CSDE1: variants seen among roughly 807,000 people sequenced by gnomAD.
The protein encoded by CSDE1 is cold shock domain-containing protein E1.
CSDE1 carries 17 observed loss-of-function variants against 89.3 expected under a neutral mutation model. The observed-to-expected ratio is 0.19, with a 90% CI of 0.13 to 0.29. The LOEUF is 0.29. Ranked by LOEUF, CSDE1 falls within the 10% of genes least tolerant of loss-of-function variation. The probability of loss-of-function intolerance (pLI) is 1.00; values close to 1 mark genes in which losing one functional copy is unlikely to be tolerated. For synonymous variants in CSDE1, 322 were observed against 332.8 expected (o/e 0.97, Z 0.35); for missense variants, 672 against 984.2 (o/e 0.68, Z 4.24).
intron 1 of CSDE1, among the ~76,000 whole-genome samples, chr1:114,750,657 CTAT>C (rs1661254045): frequency 6.6e-6 from 1 of 151,858 alleles, no homozygotes; most frequent in African/African-American, 2.4e-5. Flanking sequence ...ATCTAGGTAT[CTAT>C]TATGTCACAG....
At chr1:114,742,740 G>T (rs1660798657) in intron 2 of CSDE1, among the ~76,000 whole-genome samples, 1 of 152,184 alleles carries the variant, frequency 6.6e-6, no homozygotes, top group African/African-American at 2.4e-5. Flanking sequence ...CATCTAACGA[G>T]ATATGGTAAG....
Position 114,720,669 on chromosome 1 carries a change from T to C in CSDE1, c.1922A>G (p.Asn641Ser), listed in dbSNP as rs768835087. The C allele has an allele frequency of 3.7e-6, 6 of 1,614,078 alleles. No homozygotes were observed. In the Admixed American group the frequency reaches 5.0e-5, roughly 13 times the overall value. ...CCCTTTCTGCAGGCAATCCCCTTTG[T>C]TGGCCATCCCAACGATGCCAAATGG... Reference protein sequence around the residue: ...VYPFGIVGMANKGDCLQKGES... With the variant: ...VYPFGIVGMASKGDCLQKGES... Residue 641 changes from asparagine (N) to serine (S), a missense_variant, in exon 17 of 20, where the codon AAC becomes AGC. Physicochemically the swap from Asn to Ser is conservative, Grantham distance 46. Around this residue, in one of 8 missense-constraint regions of CSDE1, gnomAD observed 206 missense variants for 332.4 expected, o/e 0.62. Coordinates refer to ENST00000358528, the MANE Select transcript of CSDE1 (RefSeq NM_001007553.3).
At chr1:114,747,865 A>G (rs951206017) in intron 2 of CSDE1, among the ~76,000 whole-genome samples, 136 of 146,602 alleles carry the variant, frequency 9.3e-4, no homozygotes, top group African/African-American at 3.1e-3. Flanking sequence ...CTCAGAGAGG[A>G]AAAAAAAAAA....
chr1:114,744,161 G>A (rs1403362219), intron 2 of CSDE1, among the ~76,000 whole-genome samples: 1 of 152,208 alleles, frequency 6.6e-6, no homozygotes, highest in African/African-American at 2.4e-5. Flanking sequence ...GTGGTAGGAA[G>A]GACCCAGTAG....
chr1:114,720,756 C>T (rs1443856589), intron 16 of CSDE1, 39 bp from the exon 17 acceptor site: 2 of 1,588,406 alleles, frequency 1.3e-6, no homozygotes, highest in African/African-American at 1.3e-5. Flanking sequence ...TAGTATTTCA[C>T]AACAGTCCTC....
chr1:114,733,610 G>A, intron 9 of CSDE1, 122 bp downstream of exon 9: 1 of 685,140 alleles, frequency 1.5e-6, no homozygotes, highest in Non-Finnish European at 2.3e-6. Context: ...CGTAACAAGA[G>A]GTCCTTAGTT....
chr1:114,728,668 T>A (rs1215169310), intron 12 of CSDE1, among the ~76,000 whole-genome samples: 1 of 152,024 alleles, frequency 6.6e-6, no homozygotes, highest in Non-Finnish European at 1.5e-5. Context: ...CTGAAGTGTA[T>A]TTTTATTTTT....
intron 6 of CSDE1, among the ~76,000 whole-genome samples, chr1:114,734,905 G>C (rs533163541): frequency 5.4e-4 from 82 of 152,290 alleles, no homozygotes; most frequent in African/African-American, 1.9e-3. Context: ...GTCTTATAAA[G>C]GTTATTCATT....
At chr1:114,718,505 G>A in intron 19 of CSDE1, 108 bp downstream of exon 19, 1 of 1,417,362 alleles carries the variant, frequency 7.1e-7, no homozygotes, top group South Asian at 1.4e-5. Flanking sequence ...TAAGCAATAT[G>A]GAAGTCTCCC....
rs1044648601 is a variant in CSDE1 at position 114,716,941 on chromosome 1, T to G, written c.*1228A>C. The G allele has an allele frequency of 6.5e-6, 1 of 152,718 alleles. No homozygotes were observed. Among genetic ancestry groups the G allele is most frequent in the African/African-American group, 2.4e-5 (1 of 41,472 alleles). The allele number at this position is 152,718 out of a possible 1,614,324, so 9.5% of individuals were successfully genotyped here. A position where few individuals can be genotyped will look rare whatever the true frequency, so the allele number is the denominator to read the frequency against. The stretch of plus-strand genomic sequence containing the variant: ...TAGTGTCTCAAAAATCAGTAAAACT[T>G]TATTCGCTTCCATTCTTTCGCCATT... On this transcript the variant is annotated 3_prime_UTR_variant, in exon 20 of 20. Coordinates refer to ENST00000358528, the MANE Select transcript of CSDE1 (RefSeq NM_001007553.3).
intron 1 of CSDE1, among the ~76,000 whole-genome samples, chr1:114,756,354 C>G (rs575159508): frequency 6.6e-6 from 1 of 152,136 alleles, no homozygotes; most frequent in East Asian, 1.9e-4. Context: ...AAATATTTAT[C>G]TAAGTTTTAT....
At chr1:114,731,394 A>G (rs982267508) in intron 10 of CSDE1, among the ~76,000 whole-genome samples, 1 of 151,964 alleles carries the variant, frequency 6.6e-6, no homozygotes, top group African/African-American at 2.4e-5. Context: ...AAAATGTAAA[A>G]AAAAAAAAAA....
chr1:114,742,391 G>A (rs113521275), intron 2 of CSDE1, among the ~76,000 whole-genome samples: 3 of 152,074 alleles, frequency 2.0e-5, no homozygotes, highest in Non-Finnish European at 4.4e-5. Context: ...GGACAAGCAC[G>A]GCCAACATGG....
In CSDE1 at chr1:114,723,998, A is replaced by G. The variant is rs991097820; in HGVS notation, c.1758T>C (p.Asn586=). The G allele has an allele frequency of 6.2e-7, 1 of 1,613,168 alleles. No individual in the cohort carries two copies. Among genetic ancestry groups the G allele is most frequent in the African/African-American group, 1.3e-5 (1 of 75,004 alleles). The part of the protein sequence containing the change: ...AEKVNKTHSV[N]GITEEADPTI... ...TGGGATCAGCTTCCTCAGTAATGCC[A>G]TTCACTACAAAACAAAGGCAGGTAC... The change falls in exon 16 of 20, where the codon AAT becomes AAC. Residue 586 remains asparagine, a synonymous_variant. Coordinates refer to ENST00000358528, the MANE Select transcript of CSDE1 (RefSeq NM_001007553.3).
intron 2 of CSDE1, among the ~76,000 whole-genome samples, chr1:114,742,078 A>C (rs1660758453): frequency 6.6e-6 from 1 of 152,160 alleles, no homozygotes; most frequent in Non-Finnish European, 1.5e-5. Flanking sequence ...AGCTTTTATA[A>C]ATATTTACTA....
chr1:114,741,608 A>G (rs1276824986), intron 2 of CSDE1: 3 of 1,549,706 alleles, frequency 1.9e-6, no homozygotes, highest in Non-Finnish European at 2.6e-6. Flanking sequence ...AAGAAAGTGA[A>G]GGAGGGGCTG....
At chr1:114,734,334 T>G (rs1660273139) in intron 7 of CSDE1, 108 bp downstream of exon 7, 1 of 1,142,632 alleles carries the variant, frequency 8.8e-7, no homozygotes, top group Non-Finnish European at 1.3e-6. Flanking sequence ...CAGTGAAATA[T>G]TTTAAAAGGG....
intron 14 of CSDE1, among the ~76,000 whole-genome samples, chr1:114,725,856 G>A (rs977456702): frequency 1.4e-4 from 22 of 152,116 alleles, no homozygotes; most frequent in Non-Finnish European, 3.1e-4. Context: ...GGCTGGCCTC[G>A]AACTCCTGGG....
intron 12 of CSDE1, 104 bp from the exon 13 acceptor site, chr1:114,727,194 G>T: frequency 1.4e-6 from 1 of 721,682 alleles, no homozygotes; most frequent in Non-Finnish European, 2.3e-6. Flanking sequence ...GATTGGTACA[G>T]CTGTAAAAAT....
Sources: gnomAD v4.1 joint callset for allele counts (sites outside exome capture counted in the v4.1 genomes callset) on GRCh38, gnomAD v4.1.1 for gene constraint, gnomAD v4.1.1 regional missense constraint, MANE v1.5 for transcripts, NCBI Gene and HGNC (gene_info 2026-07-23, HGNC 2026-07-21) for gene names.